KIRREL3: variants seen among roughly 807,000 people sequenced by gnomAD.
KIRREL3 encodes kin of IRRE-like protein 3.
Under a neutral mutation model 89.7 loss-of-function variants are expected in KIRREL3, and 36 were observed. That is an observed-to-expected ratio of 0.40 (90% CI 0.31 to 0.53). The LOEUF (loss-of-function observed/expected upper bound fraction) is 0.53, where lower values mean the gene tolerates loss of function less well. Among genes scored for constraint, KIRREL3 ranks in the 20% least tolerant of loss-of-function variants. The pLI, the probability that KIRREL3 is intolerant of heterozygous loss-of-function variation, is 0.49. For missense variants in KIRREL3, 864 were observed against 1,056.6 expected, an observed-to-expected ratio of 0.82 and a Z score of 2.53; for synonymous variants, 445 against 441.4, an observed-to-expected ratio of 1.01 and a Z score of -0.10.
intron 1 of KIRREL3, among the ~76,000 whole-genome samples, chr11:126,588,400 C>G (rs985400530): frequency 6.6e-6 from 1 of 151,962 alleles, no homozygotes; most frequent in Non-Finnish European, 1.5e-5. Context: ...TTGCAAAATG[C>G]AAGTTACCTG....
At chr11:126,973,114 A>AG (rs1353271673) in intron 1 of KIRREL3, among the ~76,000 whole-genome samples, 1 of 151,508 alleles carries the variant, frequency 6.6e-6, no homozygotes, top group East Asian at 1.9e-4. Flanking sequence ...AAAAAAAAAA[A>AG]AAAAAAGACA....
intron 1 of KIRREL3, among the ~76,000 whole-genome samples, chr11:126,733,691 C>T (rs1162832351): frequency 1.3e-5 from 2 of 152,272 alleles, no homozygotes; most frequent in East Asian, 3.9e-4. Flanking sequence ...TACCATCCTG[C>T]CCCTTTCTGT....
intron 1 of KIRREL3, among the ~76,000 whole-genome samples, chr11:126,584,180 G>A (rs556468891): frequency 3.9e-5 from 6 of 152,310 alleles, no homozygotes; most frequent in Admixed American, 2.0e-4. Context: ...TTCTGCAGGC[G>A]TGGGCTGCGT....
At chr11:126,466,942 G>A (rs1398278395) in intron 5 of KIRREL3, among the ~76,000 whole-genome samples, 5 of 152,222 alleles carry the variant, frequency 3.3e-5, no homozygotes, top group Admixed American at 6.5e-5. Context: ...GAGCACTAAC[G>A]TGCTGCCAGC....
intron 1 of KIRREL3, among the ~76,000 whole-genome samples, chr11:126,727,332 G>C (rs1280034104): frequency 6.6e-6 from 1 of 152,228 alleles, no homozygotes; most frequent in Non-Finnish European, 1.5e-5. Flanking sequence ...TCACCTCCCA[G>C]ACCCCTCGGA....
Position 126,915,533 on chromosome 11 carries a change from G to A in KIRREL3, c.55+84922C>T, listed in dbSNP as rs567756353. Among the ~76,000 whole-genome samples, 7 of 152,242 alleles carry A rather than the reference G, an allele frequency of 4.6e-5. No individual in the cohort carries two copies. The East Asian group carries it at 1.4e-3, about 29-fold the overall frequency. ...ACTGTGATTTGAGAGATGAATTCAG[G>A]CATCATAGGCTTCCTTTGCCTCTCT... On this transcript the variant is annotated intron_variant, in intron 1 of 16. Coordinates refer to ENST00000525144, the MANE Select transcript of KIRREL3 (RefSeq NM_032531.4).
rs925502486 is a variant in KIRREL3, at chr11:126,523,054, G to A, written c.284-1590C>T. On this transcript the variant is annotated intron_variant, in intron 3 of 16. Transcript: ENST00000525144. This position sits in a 1 kb window ranked among gnomAD's most constrained non-coding sequence, Gnocchi z 4.9. ...TATTTCAAAGAATCTCTCAGTGTGG[G>A]TTGGGCATGTTCCTGAGCTCCCAAG... Among the ~76,000 whole-genome samples the A allele has an allele frequency of 6.6e-6, 1 of 152,226 alleles. No homozygotes were observed. Among genetic ancestry groups the A allele is most frequent in the African/African-American group, 2.4e-5 (1 of 41,454 alleles).
chr11:126,676,254 A>G lies in KIRREL3; in HGVS notation c.56-113342T>C, dbSNP rs1946183523. 6.6e-6 allele frequency among the ~76,000 whole-genome samples: 1 copy of G among 152,228 alleles called. No homozygotes were observed. Among genetic ancestry groups the G allele is most frequent in the Non-Finnish European group, 1.5e-5 (1 of 68,038 alleles). ...AAAGATGAAATCAGCTAGGAAAGAA[A>G]GCACAGAACCATCAGGAGGGAAACA... is the stretch of plus-strand genomic sequence containing the variant. On this transcript the variant is annotated intron_variant, in intron 1 of 16. Transcript: ENST00000525144. The surrounding 1 kb of genome is among the most constrained non-coding windows in gnomAD (Gnocchi z 4.5).
Position 126,812,190 on chromosome 11 carries a change from G to GA in KIRREL3, c.55+188264dup, listed in dbSNP as rs1301321839. Among the ~76,000 whole-genome samples the GA allele has an allele frequency of 6.6e-6, 1 of 152,180 alleles. No individual in the cohort carries two copies. The highest frequency in any genetic ancestry group is 1.5e-5 in the Non-Finnish European group (1 of 68,040). On this transcript the variant is annotated intron_variant, in intron 1 of 16. Transcript: ENST00000525144. The surrounding 1 kb of genome is among the most constrained non-coding windows in gnomAD (Gnocchi z 5.2). ...CTTTCTATTGTGATCATAAGAAGAA[G>GA]AAGGCCAAAGGATCATTAATTTCCT... is the stretch of plus-strand genomic sequence containing the variant.
chr11:126,762,257 C>G (rs1002320626), intron 1 of KIRREL3, among the ~76,000 whole-genome samples: 1 of 152,114 alleles, frequency 6.6e-6, no homozygotes, highest in African/African-American at 2.4e-5. Context: ...CTCATCTTTC[C>G]TTTTGCAGAT....
intron 1 of KIRREL3, among the ~76,000 whole-genome samples, chr11:126,926,473 G>A (rs2135026840): frequency 6.6e-6 from 1 of 152,274 alleles, no homozygotes; most frequent in East Asian, 1.9e-4. Flanking sequence ...TGCCAAGGTA[G>A]GTCACGGCTC....
intron 1 of KIRREL3, among the ~76,000 whole-genome samples, chr11:126,602,655 C>T (rs1942712843): frequency 6.6e-6 from 1 of 152,158 alleles, no homozygotes; most frequent in Non-Finnish European, 1.5e-5. Context: ...AGGCATGTGG[C>T]CCCGTGGTTG....
At chr11:126,534,412 G>A (rs1187158244) in intron 2 of KIRREL3, among the ~76,000 whole-genome samples, 8 of 152,190 alleles carry the variant, frequency 5.3e-5, no homozygotes, top group South Asian at 2.1e-4. Context: ...GAAACACAGC[G>A]GTCTCTCTCC....
chr11:126,502,493 C>T lies in KIRREL3; in HGVS notation c.433+18822G>A, dbSNP rs542521701. Among the ~76,000 whole-genome samples the T allele has an allele frequency of 5.9e-5, 9 of 152,358 alleles. No homozygotes were observed. The East Asian group carries it at 1.7e-3, about 29-fold the overall frequency. On this transcript the variant is annotated intron_variant, in intron 4 of 16. Coordinates refer to ENST00000525144, the MANE Select transcript of KIRREL3 (RefSeq NM_032531.4). ...CCTGGTTCACAGCGAGTGCTAAAAACCTCCCTCTGGAGAACCATTTTCTGC... is the reference window on the plus strand; with the variant it reads ...CCTGGTTCACAGCGAGTGCTAAAAATCTCCCTCTGGAGAACCATTTTCTGC...
At chr11:126,469,718 A>G (rs77878819) in intron 5 of KIRREL3, among the ~76,000 whole-genome samples, 34,100 of 152,112 alleles carry the variant, frequency 0.22, 4,328 homozygotes, top group Admixed American at 0.38. Context: ...GGTTTGGAGG[A>G]GAGGCCCAGA....
chr11:126,637,703 G>C (rs1394658640), intron 1 of KIRREL3, among the ~76,000 whole-genome samples: 1 of 152,218 alleles, frequency 6.6e-6, no homozygotes, highest in Non-Finnish European at 1.5e-5. Flanking sequence ...TATCTCTGCG[G>C]ATGGTCACTT....
chr11:126,885,419 G>A lies in KIRREL3; in HGVS notation c.55+115036C>T, dbSNP rs117437387. On this transcript the variant is annotated intron_variant, in intron 1 of 16. Transcript: ENST00000525144. ...TGGACACTTGGAGAAATTTTCAGGC[G>A]TATGTTTATCAAATGCATTTGGTTT... Among the ~76,000 whole-genome samples the A allele has an allele frequency of 1.4e-3, 208 of 152,280 alleles. 4 individuals carry two copies. In the East Asian group the frequency reaches 0.034, roughly 25 times the overall value.
intron 1 of KIRREL3, among the ~76,000 whole-genome samples, chr11:126,914,025 G>C (rs1368231759): frequency 3.9e-5 from 6 of 152,222 alleles, no homozygotes; most frequent in African/African-American, 1.2e-4. Context: ...GGTCAGCATC[G>C]ACTCTTGCTT....
chr11:126,509,428 C>T (rs1014373930), intron 4 of KIRREL3, among the ~76,000 whole-genome samples: 2 of 152,208 alleles, frequency 1.3e-5, no homozygotes, highest in East Asian at 1.9e-4. Context: ...GACCTTTTCA[C>T]GTTCTGTCCA....
Sources: allele counts gnomAD v4.1 joint callset (sites outside exome capture counted in the v4.1 genomes callset), GRCh38; gene constraint gnomAD v4.1.1; non-coding constraint Gnocchi (gnomAD v3.1); transcripts MANE v1.5; gene names NCBI Gene and HGNC (gene_info 2026-07-23, HGNC 2026-07-21).